Variants in DCTD observed in about 807,000 individuals in gnomAD.
DCTD encodes dCMP deaminase.
DCTD carries 23 observed loss-of-function variants against 21.0 expected under a neutral mutation model. That is an observed-to-expected ratio of 1.09 (90% CI 0.79 to 1.55). DCTD has a LOEUF of 1.55. DCTD is among the 40% of genes most tolerant of loss of function. The probability of loss-of-function intolerance (pLI) is 0.00; values close to 1 mark genes in which losing one functional copy is unlikely to be tolerated. For synonymous variants in DCTD, 71 were observed against 81.1 expected, an observed-to-expected ratio of 0.88 and a Z score of 0.67; for missense variants, 224 against 230.0, an observed-to-expected ratio of 0.97 and a Z score of 0.17.
intron 4 of DCTD, among the ~76,000 whole-genome samples, chr4:182,893,747 G>A (rs1211542864): frequency 2.6e-5 from 4 of 152,262 alleles, no homozygotes; most frequent in East Asian, 1.9e-4. Context: ...TGGGCACCGC[G>A]AGGAGAGCTT....
chr4:182,914,890 A>C (rs769352798), intron 3 of DCTD, 33 bp downstream of exon 3: 5 of 1,613,562 alleles, frequency 3.1e-6, no homozygotes, highest in Non-Finnish European at 4.2e-6. Flanking sequence ...AGGCTATGTC[A>C]CTAAGCAGAA....
chr4:182,894,554 T>C lies in DCTD; in HGVS notation c.296A>G (p.Lys99Arg). ...AIMNKNSTDV[K>R]GCSMYVALFP... ...CAAGGCAACATACATACTACAGCCTTTCACATCGGTCGAATTTTTGTTCAT... is the reference window on the plus strand; with the variant it reads ...CAAGGCAACATACATACTACAGCCTCTCACATCGGTCGAATTTTTGTTCAT... The change falls in exon 4 of 6, where the codon AAA (lysine) becomes AGA (arginine). Residue 99 changes from lysine (K) to arginine (R), a missense_variant. Lys to Arg is a conservative substitution (Grantham distance 26). Transcript: ENST00000438320. The C allele has an allele frequency of 1.9e-6, 3 of 1,614,190 alleles. No individual in the cohort carries two copies. Among genetic ancestry groups the C allele is most frequent in the Non-Finnish European group, 2.5e-6 (3 of 1,180,010 alleles).
At chr4:182,915,871 T>G in intron 1 of DCTD, 3 of 1,160,644 alleles carry the variant, frequency 2.6e-6, no homozygotes, top group South Asian at 2.2e-5. Flanking sequence ...CAAATTGTTG[T>G]GTCCTTTACC....
At chr4:182,915,194 C>A in intron 2 of DCTD, 136 bp from the exon 3 acceptor site, 1 of 1,178,852 alleles carries the variant, frequency 8.5e-7, no homozygotes, top group Non-Finnish European at 1.2e-6. Context: ...AGCTGTCGGT[C>A]TCCTTGCCTG....
At chr4:182,912,145 A>C (rs35175712) in intron 3 of DCTD, among the ~76,000 whole-genome samples, 8,846 of 150,804 alleles carry the variant, frequency 0.059, 282 homozygotes, top group South Asian at 0.099. Flanking sequence ...TCTTAAAACG[A>C]AAGCAAAAAA....
intron 3 of DCTD, among the ~76,000 whole-genome samples, chr4:182,903,580 C>T (rs557278363): frequency 6.6e-6 from 1 of 152,106 alleles, no homozygotes; most frequent in African/African-American, 2.4e-5. Context: ...AAAATGACAG[C>T]GCAAAGGAAT....
rs114956562 is a variant in DCTD at position 182,901,494 on chromosome 4, C to T, written c.245-6889G>A. The stretch of plus-strand genomic sequence containing the variant: ...GGTGGCAGCCTGGTGTGGTGGCTCC[C>T]GCTAGGACCGGGGTCAGAAGGCCAG... On this transcript the variant is annotated intron_variant, in intron 3 of 5. Transcript: ENST00000438320. Among the ~76,000 whole-genome samples the T allele has an allele frequency of 4.6e-3, 707 of 152,292 alleles. 3 individuals carry two copies. Among genetic ancestry groups the T allele is most frequent in the African/African-American group, 0.016 (649 of 41,566 alleles).
At chr4:182,909,611 G>A (rs1297151009) in intron 3 of DCTD, among the ~76,000 whole-genome samples, 4 of 152,122 alleles carry the variant, frequency 2.6e-5, no homozygotes, top group Non-Finnish European at 5.9e-5. Context: ...TTCAATTTCA[G>A]GACGGAAAGA....
intron 3 of DCTD, among the ~76,000 whole-genome samples, chr4:182,913,107 T>C (rs1279078029): frequency 6.6e-6 from 1 of 152,250 alleles, no homozygotes; most frequent in African/African-American, 2.4e-5. Flanking sequence ...TATCTTTGCA[T>C]GGACTTAAAA....
At chr4:182,902,762 G>A (rs1006037535) in intron 3 of DCTD, among the ~76,000 whole-genome samples, 1 of 152,192 alleles carries the variant, frequency 6.6e-6, no homozygotes, top group African/African-American at 2.4e-5. Flanking sequence ...AGGTGGGTCT[G>A]GTCCCTGCAG....
chr4:182,914,288 G>C lies in DCTD; in HGVS notation c.244+635C>G, dbSNP rs955728133. Among the ~76,000 whole-genome samples, 3 of 152,222 alleles carry C rather than the reference G, an allele frequency of 2.0e-5. No individual in the cohort carries two copies. The East Asian group carries it at 5.8e-4, about 29-fold the overall frequency. ...CTCCCAAAGTGTTGGGATTACAGGC[G>C]TGAGCCATCGTGCCCAGCCTCACTT... On this transcript the variant is annotated intron_variant, in intron 3 of 5. Coordinates refer to ENST00000438320, the MANE Select transcript of DCTD (RefSeq NM_001921.3).
chr4:182,903,007 G>A (rs1317842105), intron 3 of DCTD, among the ~76,000 whole-genome samples: 3 of 152,158 alleles, frequency 2.0e-5, no homozygotes, highest in African/African-American at 4.8e-5. Context: ...TAAATCCTAG[G>A]ATGTGCCTAC....
rs1733649271 is a variant in DCTD at position 182,891,056 on chromosome 4, G to A, written c.*343C>T. The A allele has an allele frequency of 8.5e-6, 2 of 234,594 alleles. No individual in the cohort carries two copies. Among genetic ancestry groups the A allele is most frequent in the Non-Finnish European group, 1.7e-5 (2 of 120,232 alleles). 14.5% of individuals were successfully genotyped at this position (234,594 alleles called of 1,614,324 possible). ...TCCAGCACATGTAGCAGTGAAGAGA[G>A]GCTGCCGGATCGCAGCAGATGACAG... On this transcript the variant is annotated 3_prime_UTR_variant, in exon 6 of 6. Coordinates refer to ENST00000438320, the MANE Select transcript of DCTD (RefSeq NM_001921.3).
At chr4:182,914,778 C>T (rs1400749050) in intron 3 of DCTD, 145 bp downstream of exon 3, 2 of 899,472 alleles carry the variant, frequency 2.2e-6, no homozygotes, top group East Asian at 2.6e-5. Flanking sequence ...AGAGACAAGG[C>T]CAGGAAATTG....
chr4:182,911,267 C>T (rs1561342481), intron 3 of DCTD: 1 of 152,124 alleles, frequency 6.6e-6, no homozygotes, highest in Non-Finnish European at 1.5e-5. Flanking sequence ...AGAGCTCCAC[C>T]CTCATGGCCT....
At chr4:182,903,548 G>C (rs1736124966) in intron 3 of DCTD, among the ~76,000 whole-genome samples, 1 of 152,178 alleles carries the variant, frequency 6.6e-6, no homozygotes, top group African/African-American at 2.4e-5. Flanking sequence ...CCTGTGCCCA[G>C]AGAGGAGGGC....
At chr4:182,915,379 C>T (rs1050729777) in intron 2 of DCTD, 82 bp downstream of exon 2, 17 of 955,182 alleles carry the variant, frequency 1.8e-5, no homozygotes, top group Middle Eastern at 4.2e-4. Context: ...GACAGGCGTC[C>T]ACTGAGTCTC....
rs777762081 is a variant in DCTD, at chr4:182,893,008, C to T, written c.458+23G>A. The stretch of plus-strand genomic sequence containing the variant: ...TCAGCCTTCACCCTACCCCGTCCCC[C>T]CGCCCGCATTCTCCCCACTTACCGG... On this transcript the variant is annotated intron_variant, in intron 5 of 5. Coordinates refer to ENST00000438320, the MANE Select transcript of DCTD (RefSeq NM_001921.3). 8 of 1,498,812 alleles carry T rather than the reference C, an allele frequency of 5.3e-6. No individual in the cohort carries two copies. In the East Asian group the frequency reaches 1.4e-4, roughly 25 times the overall value. 92.8% of individuals were successfully genotyped at this position (1,498,812 alleles called of 1,614,324 possible). A position where few individuals can be genotyped will look rare whatever the true frequency, so the allele number is the denominator to read the frequency against.
At chr4:182,916,501 CTTTA>C (rs1561351682) in intron 1 of DCTD, 4 of 985,674 alleles carry the variant, frequency 4.1e-6, no homozygotes, top group Non-Finnish European at 2.4e-6. Context: ...AGGCTCCACA[CTTTA>C]TTTAGGCATC....
Sources: allele counts gnomAD v4.1 joint callset (sites outside exome capture counted in the v4.1 genomes callset), GRCh38; gene constraint gnomAD v4.1.1; transcripts MANE v1.5; gene names NCBI Gene and HGNC (gene_info 2026-07-23, HGNC 2026-07-21).